Variants in TMC2 observed in about 807,000 individuals in gnomAD.
TMC2 encodes the protein transmembrane channel-like protein 2.
TMC2 carries 102 observed loss-of-function variants against 105.9 expected under a neutral mutation model. That is an observed-to-expected ratio of 0.96 (90% confidence interval 0.82 to 1.14). The LOEUF (loss-of-function observed/expected upper bound fraction) is 1.14, where lower values mean the gene tolerates loss of function less well. TMC2 is among the 50% of genes most tolerant of loss of function. The pLI, the probability that TMC2 is intolerant of heterozygous loss-of-function variation, is 0.00. For synonymous variants in TMC2, 402 were observed against 422.8 expected (o/e 0.95, Z 0.60); for missense variants, 1,093 against 1,134.3 (o/e 0.96, Z 0.52).
chr20:2,558,703 G>A lies in TMC2; in HGVS notation c.330G>A (p.Arg110=). Residue 110 remains arginine (R), a synonymous_variant, in exon 3 of 20, where the codon CGG becomes CGA. Transcript: ENST00000358864. The surrounding 1 kb of genome is among the most constrained non-coding windows in gnomAD (Gnocchi z 4.6). ...KRDERASFQE[R]TAAPKREKEI... is the part of the protein sequence containing the mutation. The stretch of plus-strand genomic sequence containing the variant: ...ACGAGAGGGCCTCCTTCCAGGAGCG[G>A]ACAGCAGCCCCAAAGAGGGAAAAGG... 1 of 1,605,260 alleles carries A rather than the reference G, an allele frequency of 6.2e-7. No homozygotes were observed. The highest frequency in any genetic ancestry group is 8.5e-7 in the Non-Finnish European group (1 of 1,175,762).
At chr20:2,605,340 A>AAT (rs1254051383) in intron 11 of TMC2, among the ~76,000 whole-genome samples, 2 of 152,066 alleles carry the variant, frequency 1.3e-5, no homozygotes, top group African/African-American at 4.8e-5. Flanking sequence ...AAACAACAGA[A>AAT]ATGTATTTGC....
intron 19 of TMC2, 33 bp from the exon 20 acceptor site, chr20:2,641,101 A>G: frequency 6.3e-7 from 1 of 1,595,214 alleles, no homozygotes; most frequent in Non-Finnish European, 8.6e-7. Flanking sequence ...AAAATCTCCC[A>G]CTTCCTCTTT....
intron 8 of TMC2, among the ~76,000 whole-genome samples, chr20:2,593,613 T>A (rs2146211878): frequency 6.6e-6 from 1 of 152,340 alleles, no homozygotes; most frequent in African/African-American, 2.4e-5. Flanking sequence ...TAGGATCCCA[T>A]CATTAGGCAA....
At chr20:2,551,917 G>C (rs902537060) in intron 2 of TMC2, among the ~76,000 whole-genome samples, 48 of 152,246 alleles carry the variant, frequency 3.2e-4, no homozygotes, top group African/African-American at 9.4e-4. Flanking sequence ...TTAGAGTCTT[G>C]ATGTGGATTG....
chr20:2,540,228 A>C (rs2085880464), intron 2 of TMC2, among the ~76,000 whole-genome samples: 1 of 151,218 alleles, frequency 6.6e-6, no homozygotes, highest in Non-Finnish European at 1.5e-5. Context: ...ATACCTCGTG[A>C]TCCACCCGCC....
chr20:2,561,075 C>A (rs1392920538), intron 3 of TMC2, among the ~76,000 whole-genome samples: 2 of 152,200 alleles, frequency 1.3e-5, no homozygotes, highest in Admixed American at 1.3e-4. Context: ...AATTGTAACT[C>A]AGTGTTAATG....
At chr20:2,638,070 G>A (rs1043749534) in intron 19 of TMC2, among the ~76,000 whole-genome samples, 1 of 152,226 alleles carries the variant, frequency 6.6e-6, no homozygotes, top group African/African-American at 2.4e-5. Flanking sequence ...GGCCGGGCGT[G>A]GTGGCTCACG....
chr20:2,632,780 G>GT (rs1343567017), intron 17 of TMC2, among the ~76,000 whole-genome samples: 1 of 151,920 alleles, frequency 6.6e-6, no homozygotes, highest in East Asian at 1.9e-4. Context: ...TAGTAGAAAT[G>GT]GGGTTTCCCC....
At chr20:2,553,029 A>G (rs549122243) in intron 2 of TMC2, among the ~76,000 whole-genome samples, 1 of 152,198 alleles carries the variant, frequency 6.6e-6, no homozygotes, top group Non-Finnish European at 1.5e-5. Context: ...TACATAGACA[A>G]TTATACTATC....
At chr20:2,598,240 CAA>C (rs971919800) in intron 10 of TMC2, among the ~76,000 whole-genome samples, 13 of 145,740 alleles carry the variant, frequency 8.9e-5, no homozygotes, top group Non-Finnish European at 1.8e-4. Context: ...TGGAAAATAA[CAA>C]AGAGAGAGAA....
At chr20:2,548,506 A>T (rs1338937837) in intron 2 of TMC2, among the ~76,000 whole-genome samples, 2 of 151,848 alleles carry the variant, frequency 1.3e-5, no homozygotes, top group South Asian at 2.1e-4. Flanking sequence ...GGTGTGGTGG[A>T]GCATGCCTGT....
chr20:2,627,271 A>G (rs1446834411), intron 17 of TMC2, among the ~76,000 whole-genome samples: 1 of 151,972 alleles, frequency 6.6e-6, no homozygotes, highest in Non-Finnish European at 1.5e-5. Context: ...TCTTTTCCCA[A>G]TTCTTCCGTC....
At chr20:2,590,371 G>T (rs2086260551) in intron 7 of TMC2, among the ~76,000 whole-genome samples, 1 of 151,994 alleles carries the variant, frequency 6.6e-6, no homozygotes, top group Non-Finnish European at 1.5e-5. Context: ...TCTTAAGCTA[G>T]CTAGTGGATA....
chr20:2,641,485 C>CT lies in TMC2; in HGVS notation c.*137dup. ...TGTCTCCTCTCTTGGAATGCATGAA[C>CT]TTTGATTCCTTCAGGCCCTTGTCAG... On this transcript the variant is annotated 3_prime_UTR_variant, in exon 20 of 20. Transcript: ENST00000358864. 2 of 626,450 alleles carry CT rather than the reference C, an allele frequency of 3.2e-6. No individual in the cohort carries two copies. The highest frequency in any genetic ancestry group is 3.8e-5 in the South Asian group (2 of 52,156). 38.8% of individuals were successfully genotyped at this position (626,450 alleles called of 1,614,324 possible). A position where few individuals can be genotyped will look rare whatever the true frequency, so the allele number is the denominator to read the frequency against.
Position 2,642,180 on chromosome 20 carries a change from G to A in TMC2, c.*829G>A, listed in dbSNP as rs567486712. On this transcript the variant is annotated 3_prime_UTR_variant, in exon 20 of 20. Transcript: ENST00000358864. ...GAGGCCAGGGGTTTCAGATGAGCCT[G>A]AGCAACAGAGCAAGACCCTTGTCTC... is the stretch of plus-strand genomic sequence containing the variant. Among the ~76,000 whole-genome samples, 1 of 152,304 alleles carries A rather than the reference G, an allele frequency of 6.6e-6. No homozygotes were observed. The highest frequency in any genetic ancestry group is 1.9e-4 in the East Asian group (1 of 5,182).
intron 5 of TMC2, among the ~76,000 whole-genome samples, chr20:2,572,625 G>A (rs1429932096): frequency 6.6e-6 from 1 of 152,166 alleles, no homozygotes; most frequent in East Asian, 1.9e-4. Context: ...TCAGGGTCAC[G>A]TGGATGATAA....
chr20:2,638,905 A>T (rs2422810), intron 19 of TMC2, among the ~76,000 whole-genome samples: 96,280 of 151,818 alleles, frequency 0.63, 30,859 homozygotes, highest in East Asian at 0.85. Context: ...GAAAAAAAAA[A>T]TTTTTTTTGA....
At chr20:2,582,113 G>A (rs143443710) in intron 7 of TMC2, among the ~76,000 whole-genome samples, 62 of 152,284 alleles carry the variant, frequency 4.1e-4, no homozygotes, top group Admixed American at 9.2e-4. Flanking sequence ...TGCTAGATCC[G>A]GGTAATATCA....
rs80027735 is a variant in TMC2 at position 2,545,049 on chromosome 20, AAAAT to A, written c.82+7734_82+7737del. 3.9e-3 allele frequency among the ~76,000 whole-genome samples: 549 copies of A among 139,600 alleles called. 4 individuals are homozygous for A. The highest frequency in any genetic ancestry group is 0.011 in the African/African-American group (417 of 39,378). The allele number at this position is 139,600 out of a possible 152,430, so 91.6% of individuals were successfully genotyped here. A position where few individuals can be genotyped will look rare whatever the true frequency, so the allele number is the denominator to read the frequency against. ...CTGTCTCTACCAAAAAAAAAAAAAA[AAAAT>A]TTAATTAGACATGCATGGTGGCACA... is the stretch of plus-strand genomic sequence containing the variant. On this transcript the variant is annotated intron_variant, in intron 2 of 19. Transcript: ENST00000358864.
Sources: allele counts gnomAD v4.1 joint callset (sites outside exome capture counted in the v4.1 genomes callset), GRCh38; gene constraint gnomAD v4.1.1; non-coding constraint Gnocchi (gnomAD v3.1); transcripts MANE v1.5; gene names NCBI Gene and HGNC (gene_info 2026-07-23, HGNC 2026-07-21).